The following IPO8 variants were observed in gnomAD, a reference collection of about 807,000 sequenced individuals.
IPO8 encodes the protein importin 8, also known as importin-8.
In IPO8, 65 loss-of-function variants were observed where a neutral mutation model predicts 141.2. The observed-to-expected ratio is 0.46, with a 90% confidence interval of 0.38 to 0.57. IPO8 has a LOEUF of 0.57. IPO8 is among the 20% of genes least tolerant of loss of function. The pLI, the probability that IPO8 is intolerant of heterozygous loss-of-function variation, is 0.00. For synonymous variants in IPO8, 411 were observed against 420.3 expected, an observed-to-expected ratio of 0.98 and a Z score of 0.27; for missense variants, 980 against 1,246.8, an observed-to-expected ratio of 0.79 and a Z score of 3.22.
rs757204004 is a variant in IPO8 at position 30,630,911 on chromosome 12, G to A, written c.3063C>T (p.Asn1021=). 42 of 1,613,472 alleles carry A rather than the reference G, an allele frequency of 2.6e-5. No homozygotes were observed. The highest frequency in any genetic ancestry group is 3.6e-5 in the Non-Finnish European group (42 of 1,179,940). ...AATTAAATGCGGAGAGGACTCCTTT[G>A]TTTTCAAAGGTGAAGCCTCCCTGTT... ...IEQQGGFTFE[N]KGVLSAFNFG... is the part of the protein sequence containing the mutation. Residue 1021 remains asparagine (N), a synonymous_variant, in exon 25 of 25, where the codon AAC becomes AAT. Coordinates refer to ENST00000256079, the MANE Select transcript of IPO8 (RefSeq NM_006390.4).
At chr12:30,676,405 T>G (rs1329143453) in intron 6 of IPO8, 93 bp downstream of exon 6, 67 of 567,030 alleles carry the variant, frequency 1.2e-4, no homozygotes, top group Admixed American at 4.1e-4. Flanking sequence ...AGTAGTAAAT[T>G]TTTTCAAAGA....
At chr12:30,684,826 GT>G (rs1253080930) in intron 2 of IPO8, among the ~76,000 whole-genome samples, 1 of 151,946 alleles carries the variant, frequency 6.6e-6, no homozygotes, top group Non-Finnish European at 1.5e-5. Context: ...GGCTTTTTTT[GT>G]TTTTTGTTTT....
chr12:30,650,255 G>T (rs2136137886), intron 19 of IPO8, among the ~76,000 whole-genome samples: 1 of 152,038 alleles, frequency 6.6e-6, no homozygotes. Flanking sequence ...AGAAATTCCA[G>T]ATAATTCTGA....
Position 30,695,678 on chromosome 12 carries a change from A to C in IPO8, c.-31T>G. ...CGGGTGGGGGCTCCGCGGCCCCCGG[A>C]ACAGTAGGCCGGACTGCAGCTTTAG... On this transcript the variant is annotated 5_prime_UTR_variant, in exon 1 of 25. Coordinates refer to ENST00000256079, the MANE Select transcript of IPO8 (RefSeq NM_006390.4). This position sits in a 1 kb window ranked among gnomAD's most constrained non-coding sequence, Gnocchi z 4.2. 6.3e-7 allele frequency: 1 copy of C among 1,595,892 alleles called. No individual in the cohort carries two copies. The highest frequency in any genetic ancestry group is 8.6e-7 in the Non-Finnish European group (1 of 1,164,108).
chr12:30,666,723 GAGAC>G (rs1383737687), intron 10 of IPO8, among the ~76,000 whole-genome samples: 11 of 152,166 alleles, frequency 7.2e-5, no homozygotes, highest in African/African-American at 2.4e-4. Flanking sequence ...ATAGGGTAAA[GAGAC>G]AGAGTGACAG....
At chr12:30,644,803 C>G (rs59177896) in intron 20 of IPO8, among the ~76,000 whole-genome samples, 27,789 of 151,592 alleles carry the variant, frequency 0.18, 3,131 homozygotes, top group East Asian at 0.29. Flanking sequence ...CAGGCGCATG[C>G]CATCATGCCC....
chr12:30,682,872 G>A (rs758161219), intron 3 of IPO8, among the ~76,000 whole-genome samples: 10 of 151,992 alleles, frequency 6.6e-5, no homozygotes, highest in Non-Finnish European at 1.3e-4. Context: ...TTGAGAATAG[G>A]TGGAAGAAAT....
chr12:30,665,619 C>T, intron 12 of IPO8, 110 bp downstream of exon 12: 1 of 695,296 alleles, frequency 1.4e-6, no homozygotes, highest in Non-Finnish European at 2.5e-6. Context: ...GTTGTGAACT[C>T]AATTATCCAG....
Position 30,695,806 on chromosome 12 carries a change from T to C in IPO8, c.-159A>G. 5.2e-6 allele frequency: 3 copies of C among 578,668 alleles called. No individual in the cohort carries two copies. The highest frequency in any genetic ancestry group is 3.0e-6 in the Non-Finnish European group (1 of 330,692). 35.8% of individuals were successfully genotyped at this position (578,668 alleles called of 1,614,324 possible). On this transcript the variant is annotated 5_prime_UTR_variant, in exon 1 of 25. Transcript: ENST00000256079. This position sits in a 1 kb window ranked among gnomAD's most constrained non-coding sequence, Gnocchi z 4.2. ...CCTGCGGCCACTTGCTGCGCCACTC[T>C]GACTCCGCGCCCCCTGTCCTCCCTT... is the stretch of plus-strand genomic sequence containing the variant.
At chr12:30,658,140 G>A (rs2052827796) in intron 16 of IPO8, among the ~76,000 whole-genome samples, 2 of 152,098 alleles carry the variant, frequency 1.3e-5, no homozygotes, top group African/African-American at 2.4e-5. Flanking sequence ...ACTGTCTTAA[G>A]GTTCAAATGA....
At chr12:30,675,411 C>T (rs2136164467) in intron 6 of IPO8, among the ~76,000 whole-genome samples, 1 of 152,276 alleles carries the variant, frequency 6.6e-6, no homozygotes, top group African/African-American at 2.4e-5. Flanking sequence ...AAAAGCCTTC[C>T]ATGTTTCTAG....
chr12:30,695,232 T>G lies in IPO8; in HGVS notation c.84+332A>C. 1 of 457,224 alleles carries G rather than the reference T, an allele frequency of 2.2e-6. No individual in the cohort carries two copies. Among genetic ancestry groups the G allele is most frequent in the Non-Finnish European group, 4.0e-6 (1 of 247,034 alleles). 28.3% of individuals were successfully genotyped at this position (457,224 alleles called of 1,614,324 possible). On this transcript the variant is annotated intron_variant, in intron 1 of 24. Coordinates refer to ENST00000256079, the MANE Select transcript of IPO8 (RefSeq NM_006390.4). The surrounding 1 kb of genome is among the most constrained non-coding windows in gnomAD (Gnocchi z 4.2). The stretch of plus-strand genomic sequence containing the variant: ...CACCTGCTCCCCAAGTCCGCGCACT[T>G]AAGGAAAATAAATCACACCCTGAAA...
intron 9 of IPO8, among the ~76,000 whole-genome samples, chr12:30,670,611 A>G (rs1172234899): frequency 6.6e-6 from 1 of 152,222 alleles, no homozygotes; most frequent in Non-Finnish European, 1.5e-5. Flanking sequence ...GAGCCCTGGT[A>G]AGTTTTCAAA....
chr12:30,637,106 C>A lies in IPO8; in HGVS notation c.2571G>T (p.Val857=). The stretch of plus-strand genomic sequence containing the variant: ...GAATTGAGGGAACAATCTGTCCCAC[C>A]ACAGCATCTACTGCAGGAGGTCGAT... The part of the protein sequence containing the change: ...LQNRPPAVDA[V]VGQIVPSILF... The change falls in exon 22 of 25, where the codon GTG becomes GTT. Residue 857 remains valine (V), a synonymous_variant. Coordinates refer to ENST00000256079, the MANE Select transcript of IPO8 (RefSeq NM_006390.4). The A allele has an allele frequency of 6.2e-7, 1 of 1,613,914 alleles. No homozygotes were observed.
At chr12:30,690,717 A>G in intron 1 of IPO8, 140 bp from the exon 2 acceptor site, 4 of 512,306 alleles carry the variant, frequency 7.8e-6, no homozygotes. Flanking sequence ...GGCAAAATGA[A>G]GATTACTAAA....
Position 30,651,743 on chromosome 12 carries a change from T to C in IPO8, c.2172+449A>G, listed in dbSNP as rs117659746. 4.3e-3 allele frequency among the ~76,000 whole-genome samples: 652 copies of C among 152,194 alleles called. 3 individuals carry two copies. Among genetic ancestry groups the C allele is most frequent in the Non-Finnish European group, 7.0e-3 (474 of 67,962 alleles). On this transcript the variant is annotated intron_variant, in intron 19 of 24. Transcript: ENST00000256079. Reference sequence around the variant, plus strand: ...AGGATAACAGTAGCCATTATGTAGATTGTAGATTATAGATTATCTTGTTAA... The same window carrying C: ...AGGATAACAGTAGCCATTATGTAGACTGTAGATTATAGATTATCTTGTTAA...
chr12:30,635,208 G>T (rs2052485121), intron 22 of IPO8, among the ~76,000 whole-genome samples: 1 of 151,786 alleles, frequency 6.6e-6, no homozygotes, highest in South Asian at 2.1e-4. Context: ...AAAGTCTCAG[G>T]AAGAATTAGG....
intron 14 of IPO8, 121 bp from the exon 15 acceptor site, chr12:30,662,608 C>T: frequency 1.4e-6 from 1 of 731,338 alleles, no homozygotes; most frequent in Non-Finnish European, 2.4e-6. Flanking sequence ...TAGATACACA[C>T]TTGCTCTGTG....
rs2052946553 is a variant in IPO8, at chr12:30,665,276, G to A, written c.1372C>T (p.Leu458=). ...SLFKDQMELF[L]QNHVFPLLLS... ...AATAATGGAAATACATGATTTTGTAGAAACAGCTCCATTTGGTCCTTGAAT... is the reference window on the plus strand; with the variant it reads ...AATAATGGAAATACATGATTTTGTAAAAACAGCTCCATTTGGTCCTTGAAT... Residue 458 remains leucine, a synonymous_variant, in exon 13 of 25, where the codon CTA becomes TTA. Coordinates refer to ENST00000256079, the MANE Select transcript of IPO8 (RefSeq NM_006390.4). 1.9e-6 allele frequency: 3 copies of A among 1,598,970 alleles called. No homozygotes were observed. Among genetic ancestry groups the A allele is most frequent in the Non-Finnish European group, 1.7e-6 (2 of 1,169,668 alleles).
Sources: gnomAD v4.1 joint callset for allele counts (sites outside exome capture counted in the v4.1 genomes callset) on GRCh38, gnomAD v4.1.1 for gene constraint, Gnocchi (gnomAD v3.1) non-coding constraint, MANE v1.5 for transcripts, NCBI Gene and HGNC (gene_info 2026-07-23, HGNC 2026-07-21) for gene names.